CNTN6: variants seen among roughly 807,000 people sequenced by gnomAD.
CNTN6 encodes the protein contactin 6.
Under a neutral mutation model 122.8 loss-of-function variants are expected in CNTN6, and 137 were observed. That is an observed-to-expected ratio of 1.12 (90% CI 0.97 to 1.29). The LOEUF is 1.29. Among genes scored for constraint, CNTN6 ranks in the 50% most tolerant of loss-of-function variants. CNTN6 has a pLI of 0.00. For missense variants in CNTN6, 1,634 were observed against 1,223.4 expected (o/e 1.34, Z -5.01); for synonymous variants, 570 against 426.0 (o/e 1.34, Z -4.16).
chr3:1,257,473 T>C (rs1031195849), intron 4 of CNTN6, among the ~76,000 whole-genome samples: 8 of 152,128 alleles, frequency 5.3e-5, no homozygotes, highest in African/African-American at 1.9e-4. Flanking sequence ...ATTTCATTAA[T>C]TCCTTCGAGG....
chr3:1,371,535 A>T (rs960596714), intron 12 of CNTN6, among the ~76,000 whole-genome samples: 1 of 152,118 alleles, frequency 6.6e-6, no homozygotes, highest in Non-Finnish European at 1.5e-5. Context: ...CGAAGTAGTC[A>T]TAACGATCTA....
At chr3:1,154,647 T>TTG (rs2092923059) in intron 2 of CNTN6, among the ~76,000 whole-genome samples, 1 of 152,034 alleles carries the variant, frequency 6.6e-6, no homozygotes, top group South Asian at 2.1e-4. Context: ...TTCTCCATGT[T>TTG]GGTCAGACTG....
At chr3:1,320,495 T>G (rs1700698102) in intron 7 of CNTN6, among the ~76,000 whole-genome samples, 1 of 151,754 alleles carries the variant, frequency 6.6e-6, no homozygotes, top group African/African-American at 2.4e-5. Context: ...TGTAGTTGGA[T>G]GAGCCTCCCA....
At chr3:1,291,597 C>T (rs1048853279) in intron 5 of CNTN6, among the ~76,000 whole-genome samples, 24 of 152,158 alleles carry the variant, frequency 1.6e-4, no homozygotes, top group African/African-American at 5.5e-4. Flanking sequence ...GTCTTTGTTT[C>T]ACAAAAAGGT....
At chr3:1,191,985 G>A (rs1445549945) in intron 2 of CNTN6, among the ~76,000 whole-genome samples, 1 of 152,128 alleles carries the variant, frequency 6.6e-6, no homozygotes, top group Non-Finnish European at 1.5e-5. Context: ...TAGGTAAGCA[G>A]AGCCTCATTT....
intron 2 of CNTN6, among the ~76,000 whole-genome samples, chr3:1,153,973 T>A (rs2092905157): frequency 6.6e-6 from 1 of 152,198 alleles, no homozygotes; most frequent in Admixed American, 6.5e-5. Context: ...ATTGTTAGCA[T>A]AATAGCACCT....
Position 1,329,881 on chromosome 3 carries a change from C to T in CNTN6, c.1310C>T (p.Pro437Leu). The change falls in exon 11 of 23, where the codon CCC becomes CTC. Residue 437 changes from proline (P) to leucine (L), a missense_variant. Physicochemically the swap from Pro to Leu is moderately conservative, Grantham distance 98. Coordinates refer to ENST00000446702, the MANE Select transcript of CNTN6 (RefSeq NM_001289080.2). ...IVIGCKPNAF[P>L]RAAISWKRGT... Reference sequence around the variant, plus strand: ...ATCGGATGCAAACCAAATGCTTTTCCCAGGGCAGCTATCTCTTGGAAAAGA... The same window carrying T: ...ATCGGATGCAAACCAAATGCTTTTCTCAGGGCAGCTATCTCTTGGAAAAGA... 1 of 1,610,318 alleles carries T rather than the reference C, an allele frequency of 6.2e-7. No homozygotes were observed. The highest frequency in any genetic ancestry group is 8.5e-7 in the Non-Finnish European group (1 of 1,177,778).
At chr3:1,342,222 C>T (rs1559874393) in intron 11 of CNTN6, among the ~76,000 whole-genome samples, 1 of 152,010 alleles carries the variant, frequency 6.6e-6, no homozygotes, top group Non-Finnish European at 1.5e-5. Flanking sequence ...CTCCGCCTTC[C>T]GGGTTCAAGC....
intron 4 of CNTN6, among the ~76,000 whole-genome samples, chr3:1,246,523 T>TA (rs1439153189): frequency 1.1e-4 from 17 of 152,176 alleles, no homozygotes; most frequent in African/African-American, 4.1e-4. Context: ...GAGATCTGTG[T>TA]AAATATTTCT....
At position 1,153,903 on chromosome 3, in the gene CNTN6, G is replaced by A. The variant is rs535147832; in HGVS notation, c.55+5840G>A. ...ATACTGGATATTCCTTTGGGTCAGAGTGTGAATGAATATTGAGTACGTCAC... is the reference window on the plus strand; with the variant it reads ...ATACTGGATATTCCTTTGGGTCAGAATGTGAATGAATATTGAGTACGTCAC... On this transcript the variant is annotated intron_variant, in intron 2 of 22. Coordinates refer to ENST00000446702, the MANE Select transcript of CNTN6 (RefSeq NM_001289080.2). Among the ~76,000 whole-genome samples, 3 of 152,294 alleles carry A rather than the reference G, an allele frequency of 2.0e-5. 1 individual carries two copies. Among genetic ancestry groups the A allele is most frequent in the South Asian group, 2.1e-4 (1 of 4,826 alleles).
intron 4 of CNTN6, among the ~76,000 whole-genome samples, chr3:1,231,259 G>A (rs903912843): frequency 1.3e-5 from 2 of 152,152 alleles, no homozygotes; most frequent in Admixed American, 1.3e-4. Flanking sequence ...GGGTGCAGAA[G>A]CCCCACTCCC....
chr3:1,121,922 A>G (rs1481840988), intron 1 of CNTN6, among the ~76,000 whole-genome samples: 2 of 151,990 alleles, frequency 1.3e-5, no homozygotes, highest in Non-Finnish European at 2.9e-5. Context: ...TTGAGAATAA[A>G]GAAGCTAGAT....
chr3:1,323,301 A>G (rs1477023438), intron 8 of CNTN6, among the ~76,000 whole-genome samples: 1 of 151,786 alleles, frequency 6.6e-6, no homozygotes, highest in Non-Finnish European at 1.5e-5. Flanking sequence ...GTCAGATTCA[A>G]GATCAGAACC....
rs1030487927 is a variant in CNTN6 at position 1,143,612 on chromosome 3, C to T, written c.-82-4315C>T. On this transcript the variant is annotated intron_variant, in intron 1 of 22. Transcript: ENST00000446702. ...GCTGTGAGTAAATAACTACACTTTTCTTAACTACATTGTTGTCATTGAGCC... is the reference window on the plus strand; with the variant it reads ...GCTGTGAGTAAATAACTACACTTTTTTTAACTACATTGTTGTCATTGAGCC... 2.8e-4 allele frequency among the ~76,000 whole-genome samples: 42 copies of T among 152,278 alleles called. 1 individual carries two copies. Among genetic ancestry groups the T allele is most frequent in the African/African-American group, 9.6e-4 (40 of 41,570 alleles).
At chr3:1,206,637 A>T (rs1328814074) in intron 2 of CNTN6, among the ~76,000 whole-genome samples, 1 of 150,614 alleles carries the variant, frequency 6.6e-6, no homozygotes, top group Non-Finnish European at 1.5e-5. Flanking sequence ...TTTATGAGAA[A>T]CTCCTTAGAA....
chr3:1,244,092 GGCCATTTAGA>G (rs1378032197), intron 4 of CNTN6, among the ~76,000 whole-genome samples: 1 of 152,126 alleles, frequency 6.6e-6, no homozygotes, highest in African/African-American at 2.4e-5. Flanking sequence ...GCCGTTTTCT[GGCCATTTAGA>G]GCCATTGTCA....
At chr3:1,311,883 A>G (rs1394443012) in intron 7 of CNTN6, among the ~76,000 whole-genome samples, 2 of 151,942 alleles carry the variant, frequency 1.3e-5, no homozygotes, top group South Asian at 2.1e-4. Context: ...AGATATTTCA[A>G]TATATATTTA....
chr3:1,327,864 A>G (rs907194023), intron 10 of CNTN6, among the ~76,000 whole-genome samples: 3 of 151,874 alleles, frequency 2.0e-5, no homozygotes, highest in Non-Finnish European at 4.4e-5. Flanking sequence ...AGTATAACTC[A>G]AAGAATATCT....
intron 12 of CNTN6, among the ~76,000 whole-genome samples, chr3:1,365,474 T>C (rs372680907): frequency 1.3e-5 from 2 of 152,020 alleles, no homozygotes; most frequent in African/African-American, 4.8e-5. Flanking sequence ...ATATGACATA[T>C]TTATGTTGTG....
Sources: gnomAD v4.1 joint callset for allele counts (sites outside exome capture counted in the v4.1 genomes callset) on GRCh38, gnomAD v4.1.1 for gene constraint, MANE v1.5 for transcripts, NCBI Gene and HGNC (gene_info 2026-07-23, HGNC 2026-07-21) for gene names.